CANX: variants seen among roughly 807,000 people sequenced by gnomAD.
CANX encodes epididymis secretory sperm binding protein.
A neutral mutation model predicts 75.7 loss-of-function variants in CANX; 14 were observed. The observed-to-expected ratio is 0.19, with a 90% CI of 0.12 to 0.29. The LOEUF (loss-of-function observed/expected upper bound fraction) is 0.29. Ranked by LOEUF, CANX falls within the 10% of genes least tolerant of loss-of-function variation. The probability of loss-of-function intolerance (pLI) is 1.00; values close to 1 mark genes in which losing one functional copy is unlikely to be tolerated. For missense variants in CANX, 567 were observed against 713.2 expected, an observed-to-expected ratio of 0.79 and a Z score of 2.34; for synonymous variants, 227 against 236.9, an observed-to-expected ratio of 0.96 and a Z score of 0.38.
Position 179,728,452 on chromosome 5 carries a change from T to C in CANX, c.1726-139T>C, listed in dbSNP as rs1778802126. 1.1e-5 allele frequency: 7 copies of C among 615,738 alleles called. No individual in the cohort carries two copies. The South Asian group carries it at 1.4e-4, about 12-fold the overall frequency. The allele number at this position is 615,738 out of a possible 1,614,324, so 38.1% of individuals were successfully genotyped here. On this transcript the variant is annotated intron_variant, in intron 14 of 14. Transcript: ENST00000247461. Reference sequence around the variant, plus strand: ...CCACCTCTGAGACAACCATTCTTCTTGGTGCATTTTCTTCTCATCATTTTC... The same window carrying C: ...CCACCTCTGAGACAACCATTCTTCTCGGTGCATTTTCTTCTCATCATTTTC...
At chr5:179,711,987 A>G (rs1777590331) in intron 7 of CANX, among the ~76,000 whole-genome samples, 1 of 150,212 alleles carries the variant, frequency 6.7e-6, no homozygotes, top group Non-Finnish European at 1.5e-5. Context: ...AATCTCAGAT[A>G]CTCAGGAGGC....
intron 13 of CANX, 32 bp from the exon 14 acceptor site, chr5:179,726,648 G>A (rs755429375): frequency 6.9e-7 from 1 of 1,443,632 alleles, no homozygotes; most frequent in Non-Finnish European, 9.7e-7. Context: ...AAAATAATAA[G>A]GTTTTGCTCA....
chr5:179,711,176 C>T (rs1777527410), intron 7 of CANX, among the ~76,000 whole-genome samples: 1 of 152,190 alleles, frequency 6.6e-6, no homozygotes, highest in Non-Finnish European at 1.5e-5. Context: ...GTAATCCTAA[C>T]ACTTCGGGAG....
intron 1 of CANX, among the ~76,000 whole-genome samples, chr5:179,685,712 G>A (rs182880687): frequency 4.6e-4 from 62 of 135,214 alleles, no homozygotes; most frequent in South Asian, 1.2e-3. Flanking sequence ...CTGCCACCAC[G>A]CCCAGCTAAT....
chr5:179,715,576 A>G (rs1019751995), intron 7 of CANX, among the ~76,000 whole-genome samples: 1 of 152,180 alleles, frequency 6.6e-6, no homozygotes, highest in African/African-American at 2.4e-5. Flanking sequence ...GCTTTTATGG[A>G]TTTAAAATTG....
chr5:179,726,677 T>C lies in CANX; in HGVS notation c.1646-3T>C, dbSNP rs372493409. On this transcript the variant is annotated splice_region_variant and splice_polypyrimidine_tract_variant and intron_variant, in intron 13 of 14. Coordinates refer to ENST00000247461, the MANE Select transcript of CANX (RefSeq NM_001746.4). The stretch of plus-strand genomic sequence containing the variant: ...TTGCTCAGTTGTTTAACTTCTGTCT[T>C]AGAAGAGAAACAGAAAAGTGATGCT... 21 of 1,606,608 alleles carry C rather than the reference T, an allele frequency of 1.3e-5. No homozygotes were observed. The highest frequency in any genetic ancestry group is 1.1e-4 in the African/African-American group (8 of 74,712).
In CANX at chr5:179,699,035, G is replaced by A. The variant is rs1776539808; in HGVS notation, c.-71G>A. ...GGCCGCCTCCGCCTCTCTCTTTACT[G>A]CGGCGCGGGGCAAGGTGTGCGGGCG... On this transcript the variant is annotated 5_prime_UTR_variant, in exon 1 of 15. Coordinates refer to ENST00000247461, the MANE Select transcript of CANX (RefSeq NM_001746.4). The A allele has an allele frequency of 1.8e-6, 2 of 1,115,080 alleles. No individual in the cohort carries two copies. Among genetic ancestry groups the A allele is most frequent in the South Asian group, 1.9e-5 (1 of 52,950 alleles). The allele number at this position is 1,115,080 out of a possible 1,614,324, so 69.1% of individuals were successfully genotyped here.
chr5:179,724,757 A>G lies in CANX; in HGVS notation c.1619A>G (p.Glu540Gly), dbSNP rs75423033. The change falls in exon 13 of 15, where the codon GAG (glutamate) becomes GGG (glycine). Residue 540 changes from glutamate (E) to glycine (G), a missense_variant. Physicochemically the swap from Glu to Gly is moderately conservative, Grantham distance 98 (BLOSUM62 -2). This residue lies in a region of CANX where 167 missense variants were observed against 179.3 expected (regional missense o/e 0.93). Transcript: ENST00000247461. ...GAAGAGGAAAAGGACAAGGGAGATG[A>G]GGAGGAGGAAGGAGAAGAGAAACTT... is the stretch of plus-strand genomic sequence containing the variant. ...EKEEEKDKGDEEEEGEEKLEE... is the reference protein window; with the variant it reads ...EKEEEKDKGDGEEEGEEKLEE... 2.4e-3 allele frequency: 3,866 copies of G among 1,609,528 alleles called. 82 individuals are homozygous for G. In the African/African-American group the frequency reaches 0.046, roughly 19 times the overall value.
chr5:179,716,483 C>G (rs542225965), intron 8 of CANX, among the ~76,000 whole-genome samples, 189 bp downstream of exon 8: 9 of 152,254 alleles, frequency 5.9e-5, no homozygotes, highest in Admixed American at 4.6e-4. Flanking sequence ...GATTGACTCA[C>G]CATTTTACAA....
At chr5:179,695,198 C>T (rs574301175), upstream of CANX, among the ~76,000 whole-genome samples, 4 of 151,606 alleles carry the variant, frequency 2.6e-5, no homozygotes, top group South Asian at 4.1e-4. Context: ...TACAGGCACC[C>T]GCCCCACACC....
At chr5:179,705,886 G>T in intron 2 of CANX, 34 bp downstream of exon 2, 1 of 1,566,604 alleles carries the variant, frequency 6.4e-7, no homozygotes, top group East Asian at 2.2e-5. Flanking sequence ...TTCCTTTTAC[G>T]TCTTGAGATG....
intron 1 of CANX, among the ~76,000 whole-genome samples, chr5:179,682,726 A>C (rs966736556): frequency 9.9e-5 from 15 of 151,728 alleles, no homozygotes; most frequent in Admixed American, 6.6e-4. Context: ...AAAAAAAAAA[A>C]AACCCTAATT....
chr5:179,688,161 G>A (rs1033706307), intron 1 of CANX, among the ~76,000 whole-genome samples: 26 of 139,858 alleles, frequency 1.9e-4, no homozygotes, highest in Non-Finnish European at 3.2e-4. Context: ...GGGTTCAAGC[G>A]ATTCTCTTCC....
At chr5:179,720,846 T>G (rs1030810044) in intron 10 of CANX, among the ~76,000 whole-genome samples, 1 of 152,004 alleles carries the variant, frequency 6.6e-6, no homozygotes, top group Non-Finnish European at 1.5e-5. Flanking sequence ...GGCAGTGGTG[T>G]GATGTCGCCT....
rs1320731266 is a variant in CANX at position 179,679,150 on chromosome 5, C to A, written c.-4+373C>A. ...ACTCGAAGGTTGCCAGGGCGTGGAC[C>A]TTGTAGGGCACGCAGGTGCTCGAAG... On this transcript the variant is annotated intron_variant, in intron 1 of 14. Coordinates refer to the CANX transcript ENST00000681674. 4 of 1,535,564 alleles carry A rather than the reference C, an allele frequency of 2.6e-6. No homozygotes were observed. In the East Asian group the frequency reaches 9.8e-5, roughly 38 times the overall value.
chr5:179,690,570 TCA>T (rs1776282859), intron 1 of CANX, among the ~76,000 whole-genome samples: 1 of 97,682 alleles, frequency 1.0e-5, no homozygotes, highest in African/African-American at 4.1e-5. Flanking sequence ...GAGTGAGACT[TCA>T]TCTCAAAAAA....
At chr5:179,696,221 T>G (rs1360731820), upstream of CANX, among the ~76,000 whole-genome samples, 1 of 151,548 alleles carries the variant, frequency 6.6e-6, no homozygotes, top group Non-Finnish European at 1.5e-5. Flanking sequence ...CCCGGCCTGA[T>G]TCTTTGTTGA....
chr5:179,715,927 C>T (rs1296325471), intron 7 of CANX, 178 bp from the exon 8 acceptor site: 9 of 675,670 alleles, frequency 1.3e-5, no homozygotes, highest in South Asian at 3.0e-5. Flanking sequence ...ATTTATGTTT[C>T]GTGCATAAGG....
intron 1 of CANX, among the ~76,000 whole-genome samples, chr5:179,692,722 C>G (rs1456289559): frequency 6.6e-6 from 1 of 151,726 alleles, no homozygotes; most frequent in Non-Finnish European, 1.5e-5. Context: ...TGCCATGTTG[C>G]CCAGGCTGGT....
Sources: gnomAD v4.1 joint callset for allele counts (sites outside exome capture counted in the v4.1 genomes callset) on GRCh38, gnomAD v4.1.1 for gene constraint, gnomAD v4.1.1 regional missense constraint, MANE v1.5 for transcripts, NCBI Gene and HGNC (gene_info 2026-07-23, HGNC 2026-07-21) for gene names.